PSIP1: variants seen among roughly 807,000 people sequenced by gnomAD.
The protein encoded by PSIP1 is PC4 and SRSF1 interacting protein 1.
PSIP1 carries 19 observed loss-of-function variants against 74.7 expected under a neutral mutation model. The observed-to-expected ratio is 0.25, with a 90% confidence interval of 0.18 to 0.37. The LOEUF (loss-of-function observed/expected upper bound fraction) is 0.37. Ranked by LOEUF, PSIP1 falls within the 10% of genes least tolerant of loss-of-function variation. The probability of loss-of-function intolerance (pLI) is 1.00; values close to 1 mark genes in which losing one functional copy is unlikely to be tolerated. For missense variants in PSIP1, 601 were observed against 614.3 expected (o/e 0.98, Z 0.23); for synonymous variants, 222 against 195.3 (o/e 1.14, Z -1.14).
At chr9:15,475,281 G>C (rs117067711) in intron 8 of PSIP1, among the ~76,000 whole-genome samples, 2 of 152,064 alleles carry the variant, frequency 1.3e-5, no homozygotes, top group African/African-American at 4.8e-5. Flanking sequence ...TTTAATAAAT[G>C]AAAGTAAAAG....
intron 3 of PSIP1, among the ~76,000 whole-genome samples, chr9:15,493,277 C>A (rs973710359): frequency 2.0e-5 from 3 of 152,196 alleles, no homozygotes; most frequent in Admixed American, 6.5e-5. Flanking sequence ...CCTGCTAGAG[C>A]AGAGCAAGAG....
intron 7 of PSIP1, among the ~76,000 whole-genome samples, chr9:15,479,378 A>G (rs1350800481): frequency 6.6e-6 from 1 of 152,196 alleles, no homozygotes; most frequent in African/African-American, 2.4e-5. Context: ...ACCACTATTT[A>G]GGGAAAACAT....
chr9:15,495,990 G>C lies in PSIP1; in HGVS notation c.150-5866C>G, dbSNP rs548285109. ...ATCATCTTTGTTGACCAATTTCCTT[G>C]TTTATTTTGGTAAACTGTCACATGG... On this transcript the variant is annotated intron_variant, in intron 3 of 15. Transcript: ENST00000380733. Among the ~76,000 whole-genome samples the C allele has an allele frequency of 4.6e-5, 7 of 152,136 alleles. No individual in the cohort carries two copies. The East Asian group carries it at 1.3e-3, about 29-fold the overall frequency.
At chr9:15,481,414 T>TG (rs1393644476) in intron 6 of PSIP1, among the ~76,000 whole-genome samples, 1 of 152,252 alleles carries the variant, frequency 6.6e-6, no homozygotes, top group African/African-American at 2.4e-5. Flanking sequence ...TAGGTAGGGT[T>TG]GGGTGCAGTG....
chr9:15,507,439 G>T (rs2037644363), intron 2 of PSIP1, among the ~76,000 whole-genome samples: 1 of 152,100 alleles, frequency 6.6e-6, no homozygotes, highest in African/African-American at 2.4e-5. Context: ...CATGAGGTCA[G>T]GAGTTCAAGA....
chr9:15,497,181 G>A (rs1463361550), intron 3 of PSIP1, among the ~76,000 whole-genome samples: 2 of 150,730 alleles, frequency 1.3e-5, no homozygotes, highest in African/African-American at 5.0e-5. Flanking sequence ...AATAAATATG[G>A]TAAATCAATA....
intron 14 of PSIP1, among the ~76,000 whole-genome samples, chr9:15,467,496 G>GT (rs758678395): frequency 1.3e-5 from 2 of 152,146 alleles, no homozygotes; most frequent in Non-Finnish European, 2.9e-5. Flanking sequence ...CTATGATTCT[G>GT]TTTTAAGAGT....
intron 3 of PSIP1, among the ~76,000 whole-genome samples, chr9:15,498,574 G>C: frequency 6.6e-6 from 1 of 151,820 alleles, no homozygotes; most frequent in South Asian, 2.1e-4. Context: ...TTAGTTTTTC[G>C]ACGGACATCA....
intron 3 of PSIP1, among the ~76,000 whole-genome samples, chr9:15,502,589 A>T (rs1461406672): frequency 6.6e-6 from 1 of 152,232 alleles, no homozygotes; most frequent in Non-Finnish European, 1.5e-5. Context: ...CATTATTTAC[A>T]GAAGTAATTA....
rs1432739245 is a variant in PSIP1 at position 15,506,543 on chromosome 9, A to G, written c.149+18T>C. On this transcript the variant is annotated intron_variant, in intron 3 of 15. Transcript: ENST00000380733. ...GTTAAATTAGCTCTGATTTGCCTTT[A>G]AAGCTAACAGGACTTACGTCTCATG... 3 of 1,570,040 alleles carry G rather than the reference A, an allele frequency of 1.9e-6. No individual in the cohort carries two copies. Among genetic ancestry groups the G allele is most frequent in the Non-Finnish European group, 2.6e-6 (3 of 1,141,414 alleles).
At chr9:15,471,335 A>G (rs1362586488) in intron 10 of PSIP1, 3 of 1,567,014 alleles carry the variant, frequency 1.9e-6, no homozygotes, top group Admixed American at 1.7e-5. Context: ...AAGTTTTGTA[A>G]TAACAGGAGA....
intron 3 of PSIP1, among the ~76,000 whole-genome samples, chr9:15,502,138 C>T (rs547618461): frequency 1.3e-5 from 2 of 152,082 alleles, no homozygotes; most frequent in South Asian, 4.2e-4. Context: ...CAGTTTTCAT[C>T]CCAAAACCAT....
intron 15 of PSIP1, 136 bp from the exon 16 acceptor site, chr9:15,465,716 GTTATTAGAACAGTCATTA>G: frequency 1.5e-6 from 1 of 651,084 alleles, no homozygotes; most frequent in Non-Finnish European, 2.6e-6. Context: ...AACTTGACTT[GTTATTAGAACAGTCATTA>G]TTATTTTTTT....
intron 15 of PSIP1, 100 bp from the exon 16 acceptor site, chr9:15,465,680 GACTGAAACC>G: frequency 2.1e-6 from 2 of 950,900 alleles, no homozygotes; most frequent in Non-Finnish European, 1.6e-6. Flanking sequence ...CCCATGAAAA[GACTGAAACC>G]AACCAAACAA....
At chr9:15,507,549 A>T (rs887657388) in intron 2 of PSIP1, among the ~76,000 whole-genome samples, 1 of 152,122 alleles carries the variant, frequency 6.6e-6, no homozygotes, top group African/African-American at 2.4e-5. Flanking sequence ...TCCAGAGGCG[A>T]ATCACTTGAA....
intron 2 of PSIP1, among the ~76,000 whole-genome samples, chr9:15,507,312 A>C (rs1361652517): frequency 3.3e-5 from 5 of 152,220 alleles, no homozygotes; most frequent in African/African-American, 1.2e-4. Context: ...TCAATAAAGG[A>C]AAAGCAGACC....
Position 15,469,265 on chromosome 9 carries a change from C to T in PSIP1, c.1104+1G>A. On this transcript the variant is annotated splice_donor_variant, in intron 12 of 15. Coordinates refer to ENST00000380733, the MANE Select transcript of PSIP1 (RefSeq NM_033222.5). LOFTEE classifies it high-confidence loss of function. The stretch of plus-strand genomic sequence containing the variant: ...AGTATTAAATGAAGTTAAACACTTA[C>T]AAGATTATCAATTTTGAGTGAATTT... 1 of 1,535,688 alleles carries T rather than the reference C, an allele frequency of 6.5e-7. No individual in the cohort carries two copies. The highest frequency in any genetic ancestry group is 8.9e-7 in the Non-Finnish European group (1 of 1,124,080).
rs943048184 is a variant in PSIP1 at position 15,510,281 on chromosome 9, C to G, written c.-93G>C. On this transcript the variant is annotated 5_prime_UTR_variant, in exon 2 of 16. Transcript: ENST00000380733. ...CGGGCGGCGGACGCGGGCCCAGCTA[C>G]CGGGCCCGCGGGCGGGGGAGGATGC... The G allele has an allele frequency of 2.7e-5, 29 of 1,072,366 alleles. No individual in the cohort carries two copies. The highest frequency in any genetic ancestry group is 1.5e-4 in the South Asian group (9 of 60,120). 66.4% of individuals were successfully genotyped at this position (1,072,366 alleles called of 1,614,324 possible). A position where few individuals can be genotyped will look rare whatever the true frequency, so the allele number is the denominator to read the frequency against.
chr9:15,500,412 C>T (rs916529514), intron 3 of PSIP1, among the ~76,000 whole-genome samples: 3 of 151,704 alleles, frequency 2.0e-5, no homozygotes, highest in Admixed American at 1.3e-4. Context: ...TTGCTTTGAG[C>T]GGAGATTGCG....
Sources: allele counts gnomAD v4.1 joint callset (sites outside exome capture counted in the v4.1 genomes callset), GRCh38; gene constraint gnomAD v4.1.1; transcripts MANE v1.5; gene names NCBI Gene and HGNC (gene_info 2026-07-23, HGNC 2026-07-21).